ALS2: variants seen among roughly 807,000 people sequenced by gnomAD.
ALS2 encodes alsin Rho guanine nucleotide exchange factor ALS2, also known as alsin.
Under a neutral mutation model 203.4 loss-of-function variants are expected in ALS2, and 117 were observed. That is an observed-to-expected ratio of 0.58 (90% CI 0.50 to 0.67). The LOEUF is 0.67. Ranked by LOEUF, ALS2 falls within the 30% of genes least tolerant of loss-of-function variation. ALS2 has a pLI of 0.00. For synonymous variants in ALS2, 718 were observed against 725.9 expected (o/e 0.99, Z 0.17); for missense variants, 1,715 against 1,989.4 (o/e 0.86, Z 2.62).
In ALS2 at chr2:201,707,876, C is replaced by T; in HGVS notation, c.4396G>A (p.Glu1466Lys). 3 of 1,613,390 alleles carry T rather than the reference C, an allele frequency of 1.9e-6. No homozygotes were observed. Among genetic ancestry groups the T allele is most frequent in the Middle Eastern group, 1.7e-4 (1 of 6,050 alleles). The change falls in exon 28 of 34, where the codon GAG (glutamate) becomes AAG (lysine). Residue 1466 changes from glutamate (E) to lysine (K), a missense_variant. Around this residue, in one of 3 missense-constraint regions of ALS2, gnomAD observed 1,227 missense variants for 1,413.5 expected, o/e 0.87. Coordinates refer to ENST00000264276, the MANE Select transcript of ALS2 (RefSeq NM_020919.4). ...CCACCCAACTCCATTTACCCTGGCT[C>T]TGGTGATTCAGATCGGGAATCTGAC... ...GKSDSRSESP[E>K]PGYVVTSSGL...
intron 7 of ALS2, among the ~76,000 whole-genome samples, chr2:201,750,946 C>A (rs183636600): frequency 2.8e-4 from 43 of 151,778 alleles, no homozygotes; most frequent in Non-Finnish European, 4.0e-4. Flanking sequence ...CTCCGCCTCC[C>A]AGATTCAAGC....
chr2:201,728,087 C>T (rs1053046776), intron 15 of ALS2, among the ~76,000 whole-genome samples: 2 of 152,180 alleles, frequency 1.3e-5, no homozygotes, highest in East Asian at 3.8e-4. Context: ...CTAAAATAGC[C>T]TCTTTTTTAA....
chr2:201,734,683 T>C (rs748791509), intron 12 of ALS2, among the ~76,000 whole-genome samples: 1 of 152,104 alleles, frequency 6.6e-6, no homozygotes, highest in Non-Finnish European at 1.5e-5. Context: ...CAATACCCAG[T>C]ACCCAGTCTA....
chr2:201,749,524 C>T (rs369674886), intron 8 of ALS2, among the ~76,000 whole-genome samples, 188 bp downstream of exon 8: 2 of 152,046 alleles, frequency 1.3e-5, no homozygotes, highest in East Asian at 1.9e-4. Context: ...AATATAAACA[C>T]ATAAAAAACG....
intron 1 of ALS2, chr2:201,778,507 A>G (rs1050141073): frequency 2.6e-5 from 4 of 152,192 alleles, no homozygotes; most frequent in African/African-American, 9.7e-5. Context: ...GCACCATCAC[A>G]TATACAGATG....
chr2:201,718,338 C>T (rs945038848), intron 23 of ALS2, 128 bp from the exon 24 acceptor site: 15 of 1,005,518 alleles, frequency 1.5e-5, no homozygotes, highest in Admixed American at 9.9e-5. Context: ...TGGCTCACTG[C>T]AACCTCCGCT....
At position 201,722,717 on chromosome 2, in the gene ALS2, T is replaced by C. The variant is rs909838792; in HGVS notation, c.3702+326A>G. The C allele has an allele frequency of 9.3e-5, 28 of 301,054 alleles. No homozygotes were observed. The highest frequency in any genetic ancestry group is 2.0e-3 in the Middle Eastern group (2 of 984). The allele number at this position is 301,054 out of a possible 1,614,324, so 18.6% of individuals were successfully genotyped here. A position where few individuals can be genotyped will look rare whatever the true frequency, so the allele number is the denominator to read the frequency against. ...ATTATACTAAGTGTAAGAAGCCACA[T>C]AGAGGAGATTGCATGTATGATTCCA... On this transcript the variant is annotated intron_variant, in intron 23 of 33. Coordinates refer to ENST00000264276, the MANE Select transcript of ALS2 (RefSeq NM_020919.4).
At chr2:201,767,964 T>A (rs1268949285) in intron 2 of ALS2, among the ~76,000 whole-genome samples, 1 of 152,136 alleles carries the variant, frequency 6.6e-6, no homozygotes, top group Non-Finnish European at 1.5e-5. Context: ...TTTTTAGAAG[T>A]TTTAGCATTT....
intron 26 of ALS2, among the ~76,000 whole-genome samples, chr2:201,710,424 C>G (rs907251832): frequency 1.2e-5 from 1 of 83,720 alleles, no homozygotes; most frequent in Admixed American, 1.5e-4. Flanking sequence ...CAGTGAGAAC[C>G]CCCATATCTA....
In ALS2 at chr2:201,729,142, A is replaced by G. The variant is rs759316535; in HGVS notation, c.2622T>C (p.Cys874=). 6.2e-7 allele frequency: 1 copy of G among 1,614,088 alleles called. No individual in the cohort carries two copies. Among genetic ancestry groups the G allele is most frequent in the South Asian group, 1.1e-5 (1 of 91,066 alleles). Reference sequence around the variant, plus strand: ...CGAGATGGAGAGCAAGACACTCATAACAAGAACTGGAATCCTGCAGTTTCT... The same window carrying G: ...CGAGATGGAGAGCAAGACACTCATAGCAAGAACTGGAATCCTGCAGTTTCT... ...EYQKLQDSSS[C]YECLALHLGR... Residue 874 remains cysteine, a synonymous_variant, in exon 14 of 34, where the codon TGT becomes TGC. Coordinates refer to ENST00000264276, the MANE Select transcript of ALS2 (RefSeq NM_020919.4).
At chr2:201,711,853 C>T (rs1208066) in intron 25 of ALS2, among the ~76,000 whole-genome samples, 7,821 of 30,218 alleles carry the variant, frequency 0.26, 216 homozygotes, top group Middle Eastern at 0.42. Context: ...TTTCACTTCT[C>T]AGAAACACCT....
Position 201,741,688 on chromosome 2 carries a change from C to G in ALS2, c.2337G>C (p.Leu779Phe), listed in dbSNP as rs752549107. 3 of 1,614,000 alleles carry G rather than the reference C, an allele frequency of 1.9e-6. No individual in the cohort carries two copies. The highest frequency in any genetic ancestry group is 3.3e-5 in the Admixed American group (2 of 59,994). ...LVILKHSSLF[L>F]DSYTEYCTSI... ...TGGATACTTGCTCTGTATAACTATC[C>G]AAGAAGAGACTTGAATGCTTCAGGA... The change falls in exon 11 of 34, where the codon TTG becomes TTC. Residue 779 changes from leucine to phenylalanine, a missense_variant. By Grantham distance (22) the Leu-to-Phe change is conservative (BLOSUM62 0). Transcript: ENST00000264276.
chr2:201,701,979 C>T, intron 33 of ALS2, 90 bp from the exon 34 acceptor site: 1 of 1,172,118 alleles, frequency 8.5e-7, no homozygotes, highest in Non-Finnish European at 1.3e-6. Context: ...AAACAAAATC[C>T]CTTATGAACA....
In ALS2 at chr2:201,704,217, T is replaced by C; in HGVS notation, c.4840A>G (p.Ile1614Val). 1 of 1,613,462 alleles carries C rather than the reference T, an allele frequency of 6.2e-7. No individual in the cohort carries two copies. The highest frequency in any genetic ancestry group is 2.2e-5 in the East Asian group (1 of 44,860). Reference protein sequence around the residue: ...VFLYVVLRARIRNLGSEVHLI... With the variant: ...VFLYVVLRARVRNLGSEVHLI... The stretch of plus-strand genomic sequence containing the variant: ...TGTACCTCAGAGCCTAAATTCCTAA[T>C]CCTGCCCCAGAGAGAAAAAGATGCT... Residue 1614 changes from isoleucine to valine, a missense_variant and splice_region_variant, in exon 33 of 34, where the codon ATT becomes GTT. Physicochemically the swap from Ile to Val is conservative, Grantham distance 29. Transcript: ENST00000264276.
intron 13 of ALS2, among the ~76,000 whole-genome samples, chr2:201,729,836 C>T (rs1325726577): frequency 4.5e-5 from 6 of 132,384 alleles, no homozygotes; most frequent in South Asian, 5.4e-4. Context: ...AGCCGAGATG[C>T]GCCACTGCAC....
At position 201,726,528 on chromosome 2, in the gene ALS2, A is replaced by G. The variant is rs980513078; in HGVS notation, c.3204T>C (p.Asp1068=). The G allele has an allele frequency of 6.8e-6, 11 of 1,614,076 alleles. No homozygotes were observed. The highest frequency in any genetic ancestry group is 9.3e-6 in the Non-Finnish European group (11 of 1,180,020). Residue 1068 remains aspartate (D), a synonymous_variant, in exon 19 of 34, where the codon GAT becomes GAC. Coordinates refer to ENST00000264276, the MANE Select transcript of ALS2 (RefSeq NM_020919.4). The part of the protein sequence containing the change: ...PHGRGVLKWP[D]GKMYSGMFRN... The stretch of plus-strand genomic sequence containing the variant: ...TGAACATGCCAGAATACATCTTTCC[A>G]TCAGGCCACTTCAAAACCCCTCTGG...
intron 23 of ALS2, among the ~76,000 whole-genome samples, chr2:201,719,733 G>A (rs923947063): frequency 5.3e-5 from 8 of 152,158 alleles, no homozygotes; most frequent in Admixed American, 3.3e-4. Flanking sequence ...CTTGATCTTC[G>A]ACTTCCCAGC....
rs1418222742 is a variant in ALS2 at position 201,705,175 on chromosome 2, C to G, written c.4652G>C (p.Cys1551Ser). The G allele has an allele frequency of 3.1e-6, 5 of 1,613,962 alleles. No homozygotes were observed. The highest frequency in any genetic ancestry group is 4.2e-6 in the Non-Finnish European group (5 of 1,179,994). Reference sequence around the variant, plus strand: ...CAGACATTCTACTGCTGAGGCAAAACAAGCATCTTTCGTGGTTGGCAAAAC... The same window carrying G: ...CAGACATTCTACTGCTGAGGCAAAAGAAGCATCTTTCGTGGTTGGCAAAAC... ...KKVLPTTKDA[C>S]FASAVECLQQ... The change falls in exon 31 of 34, where the codon TGT (cysteine) becomes TCT (serine). Residue 1551 changes from cysteine to serine, a missense_variant. By Grantham distance (112) the Cys-to-Ser change is moderately radical. Around this residue, in one of 3 missense-constraint regions of ALS2, gnomAD observed 1,227 missense variants for 1,413.5 expected, o/e 0.87. Transcript: ENST00000264276.
intron 23 of ALS2, chr2:201,719,899 A>G (rs1014558311): frequency 9.2e-6 from 2 of 216,984 alleles, no homozygotes; most frequent in African/African-American, 4.8e-5. Flanking sequence ...GACAAAAAGT[A>G]CCAAAACTGA....
Sources: gnomAD v4.1 joint callset for allele counts (sites outside exome capture counted in the v4.1 genomes callset) on GRCh38, gnomAD v4.1.1 for gene constraint, gnomAD v4.1.1 regional missense constraint, MANE v1.5 for transcripts, NCBI Gene and HGNC (gene_info 2026-07-23, HGNC 2026-07-21) for gene names.